MAP3K20: variants seen among roughly 807,000 people sequenced by gnomAD.
The protein encoded by MAP3K20 is HCCS-4.
A neutral mutation model predicts 85.7 loss-of-function variants in MAP3K20; 40 were observed. The ratio of observed to expected loss-of-function variants is 0.47; its 90% CI spans 0.36 to 0.61. MAP3K20 has a LOEUF of 0.61. Among genes scored for constraint, MAP3K20 ranks in the 20% least tolerant of loss-of-function variants. The pLI is 0.00. For synonymous variants in MAP3K20, 325 were observed against 327.7 expected (o/e 0.99, Z 0.09); for missense variants, 817 against 961.7 (o/e 0.85, Z 1.99).
intron 2 of MAP3K20, among the ~76,000 whole-genome samples, chr2:173,153,930 C>A (rs1689378609): frequency 6.6e-6 from 1 of 151,956 alleles, no homozygotes; most frequent in African/African-American, 2.4e-5. Flanking sequence ...TATTTTAGGT[C>A]TGTAGTCGGT....
At chr2:173,097,582 T>C (rs1000410650) in intron 2 of MAP3K20, among the ~76,000 whole-genome samples, 2 of 152,198 alleles carry the variant, frequency 1.3e-5, no homozygotes, top group Non-Finnish European at 2.9e-5. Flanking sequence ...TAAGGCCTTT[T>C]CTTCATCTGT....
intron 9 of MAP3K20, among the ~76,000 whole-genome samples, chr2:173,206,380 G>A (rs1487902809): frequency 6.6e-6 from 1 of 152,178 alleles, no homozygotes; most frequent in East Asian, 1.9e-4. Flanking sequence ...TATAAAGGAA[G>A]TTTAAGATTG....
At chr2:173,092,201 A>G (rs1447582000) in intron 2 of MAP3K20, among the ~76,000 whole-genome samples, 2 of 152,202 alleles carry the variant, frequency 1.3e-5, no homozygotes, top group East Asian at 1.9e-4. Context: ...TGTTGAAGCC[A>G]GGTTAGAAGG....
chr2:173,080,675 G>A (rs1233239870), intron 1 of MAP3K20, among the ~76,000 whole-genome samples: 1 of 152,182 alleles, frequency 6.6e-6, no homozygotes, highest in Non-Finnish European at 1.5e-5. Flanking sequence ...TTTGGTGGGA[G>A]CATTCCTACC....
intron 5 of MAP3K20, 77 bp downstream of exon 5, chr2:173,187,700 T>C (rs1014583255): frequency 2.6e-5 from 35 of 1,330,704 alleles, no homozygotes; most frequent in African/African-American, 2.5e-4. Flanking sequence ...AGCATCATTC[T>C]TTTACATATC....
chr2:173,107,789 A>G (rs1687825726), intron 2 of MAP3K20, among the ~76,000 whole-genome samples: 1 of 152,144 alleles, frequency 6.6e-6, no homozygotes, highest in African/African-American at 2.4e-5. Context: ...TATTGTGAGG[A>G]CCACATGAGG....
intron 8 of MAP3K20, among the ~76,000 whole-genome samples, chr2:173,201,061 C>G (rs1691043246): frequency 6.6e-6 from 1 of 152,218 alleles, no homozygotes; most frequent in Non-Finnish European, 1.5e-5. Flanking sequence ...GCGCATTACT[C>G]TTACCCAGAC....
At chr2:173,232,510 T>G in intron 14 of MAP3K20, 51 bp downstream of exon 14, 2 of 1,595,674 alleles carry the variant, frequency 1.3e-6, no homozygotes, top group Non-Finnish European at 1.7e-6. Flanking sequence ...TTTTGTTTGT[T>G]TGGTTTTTTT....
intron 7 of MAP3K20, among the ~76,000 whole-genome samples, chr2:173,193,444 G>A (rs1690725230): frequency 6.6e-6 from 1 of 152,092 alleles, no homozygotes; most frequent in Admixed American, 6.5e-5. Flanking sequence ...TTTCATATAT[G>A]AAAACAAACT....
At chr2:173,232,119 C>CT in intron 12 of MAP3K20, 73 bp from the exon 13 acceptor site, 1 of 1,568,924 alleles carries the variant, frequency 6.4e-7, no homozygotes, top group South Asian at 1.1e-5. Context: ...ATTGAAAACT[C>CT]TATGTTTACT....
At chr2:173,265,295 G>A (rs1214843130) in intron 19 of MAP3K20, among the ~76,000 whole-genome samples, 2 of 152,192 alleles carry the variant, frequency 1.3e-5, no homozygotes, top group Non-Finnish European at 2.9e-5. Context: ...TCAGGCTCGG[G>A]GGAAAACAGA....
At chr2:173,244,666 GAATA>G (rs1423109006) in intron 16 of MAP3K20, among the ~76,000 whole-genome samples, 2 of 152,122 alleles carry the variant, frequency 1.3e-5, no homozygotes, top group Non-Finnish European at 2.9e-5. Context: ...AACAGTCCTA[GAATA>G]AATTACTATC....
At chr2:173,107,618 C>T (rs1687819236) in intron 2 of MAP3K20, among the ~76,000 whole-genome samples, 1 of 152,188 alleles carries the variant, frequency 6.6e-6, no homozygotes, top group Admixed American at 6.5e-5. Flanking sequence ...TCCTAGGAAG[C>T]AATATGGCTT....
At chr2:173,109,794 T>C (rs997737790) in intron 2 of MAP3K20, among the ~76,000 whole-genome samples, 1 of 152,170 alleles carries the variant, frequency 6.6e-6, no homozygotes, top group African/African-American at 2.4e-5. Flanking sequence ...TTCTCACTTT[T>C]CTTGTTGAGC....
intron 2 of MAP3K20, among the ~76,000 whole-genome samples, chr2:173,121,638 T>C (rs527499059): frequency 9.9e-5 from 15 of 151,954 alleles, no homozygotes; most frequent in Non-Finnish European, 2.1e-4. Flanking sequence ...CCGCCCGCCT[T>C]GGCCTCCCAA....
chr2:173,206,040 T>C (rs568427724), intron 9 of MAP3K20, among the ~76,000 whole-genome samples: 1 of 152,332 alleles, frequency 6.6e-6, no homozygotes, highest in African/African-American at 2.4e-5. Context: ...ATATGTCCAT[T>C]GTGATGTAGA....
chr2:173,123,236 C>T (rs1688349478), intron 2 of MAP3K20, among the ~76,000 whole-genome samples: 1 of 152,212 alleles, frequency 6.6e-6, no homozygotes, highest in African/African-American at 2.4e-5. Context: ...CATTCACATT[C>T]AGTCCAAAAA....
chr2:173,204,508 A>C (rs964490501), intron 9 of MAP3K20, among the ~76,000 whole-genome samples: 1 of 152,230 alleles, frequency 6.6e-6, no homozygotes, highest in Admixed American at 6.5e-5. Context: ...TCCACAATAG[A>C]GTTGGAGAAA....
intron 2 of MAP3K20, among the ~76,000 whole-genome samples, chr2:173,123,508 C>T (rs1371756589): frequency 6.6e-6 from 1 of 152,204 alleles, no homozygotes; most frequent in African/African-American, 2.4e-5. Flanking sequence ...CTTATAAAGA[C>T]ATCTACTCCA....
Sources: allele counts gnomAD v4.1 joint callset (sites outside exome capture counted in the v4.1 genomes callset), GRCh38; gene constraint gnomAD v4.1.1; transcripts MANE v1.5; gene names NCBI Gene and HGNC (gene_info 2026-07-23, HGNC 2026-07-21).